Variants in SLC25A26 observed in about 807,000 individuals in gnomAD.
SLC25A26 encodes the protein mitochondrial S-adenosylmethionine carrier protein.
A neutral mutation model predicts 37.8 loss-of-function variants in SLC25A26; 36 were observed. The observed-to-expected ratio is 0.95, with a 90% confidence interval of 0.73 to 1.26. SLC25A26 has a LOEUF of 1.26. SLC25A26 is among the 50% of genes most tolerant of loss of function. The pLI is 0.00. For synonymous variants in SLC25A26, 129 were observed against 122.5 expected (o/e 1.05, Z -0.35); for missense variants, 390 against 331.1 (o/e 1.18, Z -1.38).
At chr3:66,168,185 GTATA>G (rs375969349) in intron 1 of SLC25A26, among the ~76,000 whole-genome samples, 7 of 109,066 alleles carry the variant, frequency 6.4e-5, no homozygotes, top group Admixed American at 1.7e-4. Flanking sequence ...ATGTGTGTGT[GTATA>G]TATATATATA....
At chr3:66,160,077 A>T (rs1373759748) in intron 1 of SLC25A26, among the ~76,000 whole-genome samples, 1 of 152,076 alleles carries the variant, frequency 6.6e-6, no homozygotes, top group Non-Finnish European at 1.5e-5. Flanking sequence ...ATCTGGGCTC[A>T]CTGCAACCTC....
chr3:66,300,251 G>GGTTTTTTTTTTT (rs1553688691), intron 5 of SLC25A26, among the ~76,000 whole-genome samples: 3 of 111,626 alleles, frequency 2.7e-5, no homozygotes, highest in Non-Finnish European at 5.8e-5. Flanking sequence ...GGGTTTTTTT[G>GGTTTTTTTTTTT]TTTTGTTTTT....
chr3:66,156,740 A>G (rs1165668111), intron 1 of SLC25A26, among the ~76,000 whole-genome samples: 1 of 152,060 alleles, frequency 6.6e-6, no homozygotes, highest in Non-Finnish European at 1.5e-5. Flanking sequence ...AGTGGCTCAG[A>G]ACATGCCACA....
rs143215617 is a variant in SLC25A26 at position 66,295,691 on chromosome 3, G to C, written c.453+32312G>C. ...TTTTTTGTATTTTTAATAGAGACGA[G>C]GTTTCACCATGCTGGCCAGGCTGAT... On this transcript the variant is annotated intron_variant, in intron 5 of 9. Transcript: ENST00000354883. 6.6e-3 allele frequency among the ~76,000 whole-genome samples: 997 copies of C among 152,002 alleles called. 9 individuals are homozygous for C. The highest frequency in any genetic ancestry group is 0.022 in the African/African-American group (903 of 41,524).
intron 3 of SLC25A26, among the ~76,000 whole-genome samples, chr3:66,244,576 G>T (rs975468431): frequency 6.6e-6 from 1 of 152,208 alleles, no homozygotes; most frequent in South Asian, 2.1e-4. Context: ...AGTGAATACT[G>T]CAGAGACATT....
At chr3:66,302,255 A>G (rs1234429612) in intron 5 of SLC25A26, among the ~76,000 whole-genome samples, 1 of 152,204 alleles carries the variant, frequency 6.6e-6, no homozygotes, top group Non-Finnish European at 1.5e-5. Context: ...GTGGCCCAAA[A>G]TGTTGGACTC....
intron 5 of SLC25A26, among the ~76,000 whole-genome samples, chr3:66,279,629 G>T (rs1459042888): frequency 1.3e-5 from 2 of 152,050 alleles, no homozygotes; most frequent in Non-Finnish European, 2.9e-5. Flanking sequence ...GGCCTCAAAT[G>T]TGTTTCACTG....
At chr3:66,246,937 C>A (rs1384121810) in intron 3 of SLC25A26, among the ~76,000 whole-genome samples, 2 of 152,174 alleles carry the variant, frequency 1.3e-5, no homozygotes, top group Non-Finnish European at 1.5e-5. Flanking sequence ...TCTCGGCTCA[C>A]TGCAACCTCT....
intron 3 of SLC25A26, among the ~76,000 whole-genome samples, chr3:66,253,705 T>C (rs537434824): frequency 6.6e-6 from 1 of 152,270 alleles, no homozygotes; most frequent in East Asian, 1.9e-4. Flanking sequence ...AATAAGCTTA[T>C]GTTTTAAGCC....
chr3:66,168,958 C>G (rs778053961), intron 1 of SLC25A26, among the ~76,000 whole-genome samples: 32 of 152,080 alleles, frequency 2.1e-4, no homozygotes, highest in Non-Finnish European at 2.9e-4. Context: ...CTGGTCTATA[C>G]AAAACATTTT....
intron 5 of SLC25A26, among the ~76,000 whole-genome samples, chr3:66,325,777 A>C (rs888879792): frequency 3.3e-5 from 5 of 152,194 alleles, no homozygotes; most frequent in Admixed American, 2.6e-4. Flanking sequence ...AAGACCATGG[A>C]AGGACATTTT....
chr3:66,336,354 A>G (rs1559712888), intron 5 of SLC25A26, among the ~76,000 whole-genome samples: 1 of 152,180 alleles, frequency 6.6e-6, no homozygotes, highest in Admixed American at 6.5e-5. Flanking sequence ...AAGAGATGCT[A>G]AAATGTGCTG....
intron 1 of SLC25A26, among the ~76,000 whole-genome samples, chr3:66,150,544 TA>T (rs1381542906): frequency 8.1e-5 from 9 of 111,188 alleles, no homozygotes; most frequent in African/African-American, 3.1e-4. Flanking sequence ...TATATATATA[TA>T]AAATATATAT....
chr3:66,281,021 C>G (rs915159720), intron 5 of SLC25A26, among the ~76,000 whole-genome samples: 1 of 152,158 alleles, frequency 6.6e-6, no homozygotes, highest in African/African-American at 2.4e-5. Context: ...ACTCAGGATA[C>G]AAGTGAACAA....
chr3:66,364,270 A>G (rs2076777241), intron 7 of SLC25A26, among the ~76,000 whole-genome samples: 1 of 152,240 alleles, frequency 6.6e-6, no homozygotes, highest in African/African-American at 2.4e-5. Flanking sequence ...AATACTCTGT[A>G]ATAGACACTA....
At chr3:66,152,603 A>G (rs1047135382) in intron 1 of SLC25A26, among the ~76,000 whole-genome samples, 4 of 150,618 alleles carry the variant, frequency 2.7e-5, no homozygotes, top group African/African-American at 9.7e-5. Flanking sequence ...GGTATCATCT[A>G]GTGGAAATAA....
At chr3:66,191,386 C>T (rs2070938879) in intron 1 of SLC25A26, among the ~76,000 whole-genome samples, 1 of 152,038 alleles carries the variant, frequency 6.6e-6, no homozygotes, top group South Asian at 2.1e-4. Flanking sequence ...CAGAATGAGT[C>T]CCTGACACAC....
rs528054153 is a variant in SLC25A26 at position 66,171,013 on chromosome 3, C to T, written c.-354+37029C>T. Among the ~76,000 whole-genome samples, 99 of 151,286 alleles carry T rather than the reference C, an allele frequency of 6.5e-4. 1 individual carries two copies. Among genetic ancestry groups the T allele is most frequent in the African/African-American group, 2.2e-3 (89 of 41,226 alleles). On this transcript the variant is annotated intron_variant, in intron 1 of 10. Transcript: ENST00000676754. ...AGAGACGGGGTTTCACCGTTTTAGCCGGGATGGTCTCGATCTCCTGACCTC... is the reference window on the plus strand; with the variant it reads ...AGAGACGGGGTTTCACCGTTTTAGCTGGGATGGTCTCGATCTCCTGACCTC...
intron 6 of SLC25A26, among the ~76,000 whole-genome samples, chr3:66,347,294 C>A (rs951511803): frequency 2.0e-5 from 3 of 152,002 alleles, no homozygotes; most frequent in African/African-American, 7.2e-5. Flanking sequence ...ACAAAGAATC[C>A]CATTAAAAAG....
Sources: gnomAD v4.1 joint callset for allele counts (sites outside exome capture counted in the v4.1 genomes callset) on GRCh38, gnomAD v4.1.1 for gene constraint, MANE v1.5 for transcripts, NCBI Gene and HGNC (gene_info 2026-07-23, HGNC 2026-07-21) for gene names.